The following TMEM229B variants were observed in gnomAD, a reference collection of about 807,000 sequenced individuals.
TMEM229B encodes chromosome 14 open reading frame 83.
TMEM229B carries 6 observed loss-of-function variants against 13.7 expected under a neutral mutation model. The ratio of observed to expected loss-of-function variants is 0.44; its 90% CI spans 0.24 to 0.86. TMEM229B has a LOEUF of 0.86. Ranked by LOEUF, TMEM229B falls within the 40% of genes least tolerant of loss-of-function variation. TMEM229B has a pLI of 0.23. For missense variants in TMEM229B, 170 were observed against 236.0 expected, an observed-to-expected ratio of 0.72 and a Z score of 1.83; for synonymous variants, 107 against 102.1, an observed-to-expected ratio of 1.05 and a Z score of -0.29.
upstream of TMEM229B, among the ~76,000 whole-genome samples, chr14:67,518,230 G>A (rs925049868): frequency 1.3e-5 from 2 of 152,218 alleles, no homozygotes; most frequent in African/African-American, 4.8e-5. Context: ...CGGTGTGGTG[G>A]TATGGGCCAG....
chr14:67,517,758 G>A (rs184674829), upstream of TMEM229B, among the ~76,000 whole-genome samples: 41 of 152,258 alleles, frequency 2.7e-4, no homozygotes, highest in African/African-American at 8.2e-4. Context: ...GGGTAGGACA[G>A]CTATTTTTAT....
At chr14:67,512,483 C>G (rs896343485) in intron 1 of TMEM229B, among the ~76,000 whole-genome samples, 5 of 152,156 alleles carry the variant, frequency 3.3e-5, no homozygotes, top group Non-Finnish European at 7.4e-5. Flanking sequence ...AATGTTCCTG[C>G]AATTCAAAAA....
At chr14:67,523,570 T>G (rs894354162) in intron 1 of TMEM229B, among the ~76,000 whole-genome samples, 3 of 152,224 alleles carry the variant, frequency 2.0e-5, no homozygotes, top group African/African-American at 7.2e-5. Context: ...GGCTTTAGAT[T>G]CTACACCTCC....
intron 2 of TMEM229B, among the ~76,000 whole-genome samples, chr14:67,482,700 T>C (rs1328169557): frequency 6.6e-6 from 1 of 152,184 alleles, no homozygotes. Flanking sequence ...CCTGTTGTCA[T>C]CAAGTTAGCA....
chr14:67,505,769 C>T (rs1156920716), intron 1 of TMEM229B, among the ~76,000 whole-genome samples: 4 of 151,084 alleles, frequency 2.6e-5, no homozygotes, highest in African/African-American at 4.9e-5. Context: ...TGCAGTGGTG[C>T]GATCTCAGCT....
chr14:67,529,556 T>C (rs1448492335), intron 1 of TMEM229B, among the ~76,000 whole-genome samples: 1 of 152,132 alleles, frequency 6.6e-6, no homozygotes, highest in Non-Finnish European at 1.5e-5. Flanking sequence ...CATGCACACA[T>C]ATACACGCTC....
At position 67,473,681 on chromosome 14, in the gene TMEM229B, C is replaced by A. The variant is rs768287567; in HGVS notation, c.243G>T (p.Thr81=). 3 of 1,584,056 alleles carry A rather than the reference C, an allele frequency of 1.9e-6. No individual in the cohort carries two copies. Among genetic ancestry groups the A allele is most frequent in the Non-Finnish European group, 2.6e-6 (3 of 1,165,268 alleles). ...TGAACTCCCACAGGTAGGTCCAGAG[C>A]GTGTAGATGAGGCAGCGCAGGAGCA... ...CPLLLRCLIY[T]LWTYLWEFTT... is the part of the protein sequence containing the mutation. Residue 81 remains threonine (T), a synonymous_variant, in exon 3 of 3, where the codon ACG becomes ACT. Transcript: ENST00000554480. The surrounding 1 kb of genome is among the most constrained non-coding windows in gnomAD (Gnocchi z 6.5).
chr14:67,506,750 C>G (rs2032841528), intron 1 of TMEM229B, among the ~76,000 whole-genome samples: 1 of 152,094 alleles, frequency 6.6e-6, no homozygotes, highest in Non-Finnish European at 1.5e-5. Flanking sequence ...CTTTGGGAGG[C>G]CAAGGCAGGC....
At chr14:67,479,324 T>C (rs2031432162) in intron 2 of TMEM229B, among the ~76,000 whole-genome samples, 1 of 150,674 alleles carries the variant, frequency 6.6e-6, no homozygotes, top group Non-Finnish European at 1.5e-5. Flanking sequence ...AAGAATTGCT[T>C]GAACCGGGAC....
At chr14:67,506,919 G>T (rs959555110) in intron 1 of TMEM229B, among the ~76,000 whole-genome samples, 13 of 152,202 alleles carry the variant, frequency 8.5e-5, no homozygotes, top group Non-Finnish European at 1.5e-5. Flanking sequence ...AGGAGGCAAA[G>T]GTTGCAGTGA....
At chr14:67,497,834 T>C (rs2032452636) in intron 1 of TMEM229B, among the ~76,000 whole-genome samples, 1 of 152,076 alleles carries the variant, frequency 6.6e-6, no homozygotes, top group African/African-American at 2.4e-5. Context: ...TTGTGGGTGT[T>C]TGTGTATGTT....
At chr14:67,517,777 T>C (rs1566705550), upstream of TMEM229B, among the ~76,000 whole-genome samples, 1 of 152,180 alleles carries the variant, frequency 6.6e-6, no homozygotes, top group African/African-American at 2.4e-5. Context: ...ATCTCCACTT[T>C]ATAAATGAGG....
intron 1 of TMEM229B, among the ~76,000 whole-genome samples, chr14:67,521,028 G>A (rs573614406): frequency 1.3e-5 from 2 of 152,308 alleles, no homozygotes; most frequent in Non-Finnish European, 2.9e-5. Context: ...GTATCTCATC[G>A]TTGTTCTCTG....
At chr14:67,478,119 T>C (rs1422354357) in intron 2 of TMEM229B, among the ~76,000 whole-genome samples, 1 of 152,258 alleles carries the variant, frequency 6.6e-6, no homozygotes, top group East Asian at 1.9e-4. Flanking sequence ...CACATGTCTG[T>C]GGTTGGCAGA....
chr14:67,475,520 G>C (rs2031130994), intron 2 of TMEM229B, among the ~76,000 whole-genome samples: 1 of 152,106 alleles, frequency 6.6e-6, no homozygotes, highest in African/African-American at 2.4e-5. Context: ...AATGTACAAG[G>C]GTTCCAATTT....
At chr14:67,486,082 C>G (rs868394518) in intron 2 of TMEM229B, among the ~76,000 whole-genome samples, 5 of 152,220 alleles carry the variant, frequency 3.3e-5, no homozygotes, top group South Asian at 2.1e-4. Context: ...TGCTGTTTCC[C>G]AGGTGTGAGT....
upstream of TMEM229B, among the ~76,000 whole-genome samples, chr14:67,516,994 A>G (rs1005405085): frequency 2.0e-5 from 3 of 152,264 alleles, no homozygotes; most frequent in African/African-American, 7.2e-5. Flanking sequence ...TCATGCATAT[A>G]ATATTCTCAG....
intron 1 of TMEM229B, among the ~76,000 whole-genome samples, chr14:67,499,179 T>A (rs1028027276): frequency 6.6e-5 from 10 of 151,858 alleles, no homozygotes; most frequent in African/African-American, 2.4e-4. Flanking sequence ...ATTTCTTAAT[T>A]TTTTTGTAGA....
At chr14:67,485,503 TG>T (rs1351817787) in intron 2 of TMEM229B, among the ~76,000 whole-genome samples, 1 of 152,218 alleles carries the variant, frequency 6.6e-6, no homozygotes, top group Non-Finnish European at 1.5e-5. Context: ...GCATGGAATC[TG>T]AAGCTCTGGG....
Sources: gnomAD v4.1 joint callset for allele counts (sites outside exome capture counted in the v4.1 genomes callset) on GRCh38, gnomAD v4.1.1 for gene constraint, Gnocchi (gnomAD v3.1) non-coding constraint, MANE v1.5 for transcripts, NCBI Gene and HGNC (gene_info 2026-07-23, HGNC 2026-07-21) for gene names.